The following SFMBT1 variants were observed in gnomAD, a reference collection of about 807,000 sequenced individuals.
The protein encoded by SFMBT1 is scm-like with four MBT domains protein 1.
In SFMBT1, 32 loss-of-function variants were observed where a neutral mutation model predicts 108.7. The observed-to-expected ratio is 0.29, with a 90% CI of 0.22 to 0.40. SFMBT1 has a LOEUF of 0.40. Ranked by LOEUF, SFMBT1 falls within the 10% of genes least tolerant of loss-of-function variation. The pLI is 1.00. For synonymous variants in SFMBT1, 348 were observed against 369.5 expected, an observed-to-expected ratio of 0.94 and a Z score of 0.67; for missense variants, 816 against 1,059.6, an observed-to-expected ratio of 0.77 and a Z score of 3.19.
chr3:53,015,495 A>G (rs1488201065), intron 1 of SFMBT1, among the ~76,000 whole-genome samples: 2 of 152,262 alleles, frequency 1.3e-5, no homozygotes, highest in Non-Finnish European at 2.9e-5. Flanking sequence ...TGTTCACAGC[A>G]GCATTACTGA....
In SFMBT1 at chr3:52,969,143, G is replaced by C. The variant is rs1287276461; in HGVS notation, c.-15C>G. The C allele has an allele frequency of 1.2e-5, 19 of 1,613,866 alleles. No homozygotes were observed. The highest frequency in any genetic ancestry group is 1.6e-5 in the Non-Finnish European group (19 of 1,179,968). On this transcript the variant is annotated 5_prime_UTR_variant, in exon 2 of 21. Transcript: ENST00000394752. Reference sequence around the variant, plus strand: ...TCCCCGTTCATTTCCACAGCATATAGGCAGGCTATATCCTCCCAAAACAAA... The same window carrying C: ...TCCCCGTTCATTTCCACAGCATATACGCAGGCTATATCCTCCCAAAACAAA...
intron 1 of SFMBT1, among the ~76,000 whole-genome samples, chr3:52,973,553 T>C (rs540176906): frequency 6.6e-6 from 1 of 152,300 alleles, no homozygotes; most frequent in African/African-American, 2.4e-5. Context: ...AAAACTACCA[T>C]GGAATTTTAA....
intron 1 of SFMBT1, among the ~76,000 whole-genome samples, chr3:53,001,554 T>G (rs1311315561): frequency 6.7e-6 from 1 of 149,676 alleles, no homozygotes; most frequent in Non-Finnish European, 1.5e-5. Flanking sequence ...ACATTTACTG[T>G]GCTCCCACCA....
intron 1 of SFMBT1, among the ~76,000 whole-genome samples, chr3:52,974,107 G>GAC (rs1173474495): frequency 6.6e-6 from 1 of 152,142 alleles, no homozygotes; most frequent in East Asian, 1.9e-4. Context: ...GAAAGGACAG[G>GAC]ACCTCAGGGT....
intron 17 of SFMBT1, among the ~76,000 whole-genome samples, chr3:52,909,867 G>A (rs1171417593): frequency 6.6e-6 from 1 of 152,156 alleles, no homozygotes; most frequent in Non-Finnish European, 1.5e-5. Context: ...GCGAATAGGT[G>A]CTATGACAGT....
chr3:52,978,293 A>G (rs1704588270), intron 1 of SFMBT1, among the ~76,000 whole-genome samples: 1 of 152,054 alleles, frequency 6.6e-6, no homozygotes, highest in Non-Finnish European at 1.5e-5. Context: ...AGCATGTGAG[A>G]GTGAGCTATG....
chr3:52,904,655 A>C lies in SFMBT1; in HGVS notation c.*481T>G, dbSNP rs1702021961. On this transcript the variant is annotated 3_prime_UTR_variant, in exon 21 of 21. Transcript: ENST00000394752. ...TTTTAATTTTAAAAAGTTTAAAAACACAATGACAATGAAGCACTGATATGC... is the reference window on the plus strand; with the variant it reads ...TTTTAATTTTAAAAAGTTTAAAAACCCAATGACAATGAAGCACTGATATGC... 1 of 153,040 alleles carries C rather than the reference A, an allele frequency of 6.5e-6. No individual in the cohort carries two copies. The allele number at this position is 153,040 out of a possible 1,614,324, so 9.5% of individuals were successfully genotyped here.
intron 2 of SFMBT1, among the ~76,000 whole-genome samples, chr3:52,968,660 C>T (rs1362621814): frequency 1.4e-5 from 2 of 145,648 alleles, no homozygotes; most frequent in South Asian, 2.2e-4. Flanking sequence ...AGTGCAGTGG[C>T]GCGATCCTGG....
chr3:52,921,555 A>G, intron 11 of SFMBT1, 150 bp downstream of exon 11: 1 of 847,520 alleles, frequency 1.2e-6, no homozygotes, highest in South Asian at 2.4e-5. Context: ...AGGAAAATAA[A>G]TATTTCGCTT....
intron 16 of SFMBT1, among the ~76,000 whole-genome samples, chr3:52,912,259 C>T (rs915641808): frequency 3.3e-5 from 5 of 152,008 alleles, no homozygotes; most frequent in Non-Finnish European, 7.4e-5. Context: ...CAGCTCACTG[C>T]AACCTCCACC....
chr3:52,928,377 C>A (rs745722459), intron 8 of SFMBT1, 36 bp from the exon 9 acceptor site: 42 of 1,604,146 alleles, frequency 2.6e-5, no homozygotes, highest in Non-Finnish European at 3.6e-5. Flanking sequence ...TAGACAAATG[C>A]ACACATATAT....
intron 13 of SFMBT1, 39 bp downstream of exon 13, chr3:52,918,445 T>A (rs764370744): frequency 2.6e-5 from 39 of 1,478,576 alleles, no homozygotes; most frequent in Non-Finnish European, 3.5e-5. Flanking sequence ...TTTCTAGATA[T>A]TCTAACTTGT....
intron 1 of SFMBT1, among the ~76,000 whole-genome samples, chr3:52,982,450 C>G (rs576665299): frequency 2.0e-5 from 3 of 152,092 alleles, no homozygotes; most frequent in African/African-American, 4.8e-5. Context: ...GATCATGGGC[C>G]GGACGCGGTG....
chr3:52,972,744 AACACACACACACACACAC>A (rs55859723), intron 1 of SFMBT1, among the ~76,000 whole-genome samples: 102 of 95,136 alleles, frequency 1.1e-3, no homozygotes, highest in Non-Finnish European at 1.7e-3. Flanking sequence ...ATCTCTACTA[AACACACACACACACACAC>A]ACACACACAC....
intron 1 of SFMBT1, among the ~76,000 whole-genome samples, chr3:53,012,147 G>A (rs1236303125): frequency 6.6e-6 from 1 of 152,154 alleles, no homozygotes; most frequent in Non-Finnish European, 1.5e-5. Context: ...AGCCAAACAT[G>A]AAAGGAAATT....
chr3:52,984,846 C>A (rs1704850574), intron 1 of SFMBT1, among the ~76,000 whole-genome samples: 1 of 151,526 alleles, frequency 6.6e-6, no homozygotes, highest in South Asian at 2.1e-4. Flanking sequence ...CCCTGGTCCA[C>A]AGTTGGCTAA....
At chr3:53,012,564 G>A (rs1267056236) in intron 1 of SFMBT1, among the ~76,000 whole-genome samples, 17 of 151,728 alleles carry the variant, frequency 1.1e-4, no homozygotes, top group Admixed American at 3.9e-4. Flanking sequence ...CACCACGCCC[G>A]GCTAATTTTT....
At chr3:53,044,091 C>A (rs531804058) in intron 1 of SFMBT1, among the ~76,000 whole-genome samples, 9 of 152,268 alleles carry the variant, frequency 5.9e-5, no homozygotes, top group African/African-American at 1.7e-4. Flanking sequence ...GTTATACATA[C>A]CTCCATAAAA....
intron 1 of SFMBT1, among the ~76,000 whole-genome samples, chr3:53,006,977 G>A (rs1352703572): frequency 6.6e-6 from 1 of 152,126 alleles, no homozygotes; most frequent in Non-Finnish European, 1.5e-5. Flanking sequence ...AGCTCCATGA[G>A]GGTATGCAGG....
Sources: gnomAD v4.1 joint callset for allele counts (sites outside exome capture counted in the v4.1 genomes callset) on GRCh38, gnomAD v4.1.1 for gene constraint, MANE v1.5 for transcripts, NCBI Gene and HGNC (gene_info 2026-07-23, HGNC 2026-07-21) for gene names.